Variants in CCDC91 observed in about 807,000 individuals in gnomAD.
CCDC91 encodes the protein coiled-coil domain-containing protein 91.
A neutral mutation model predicts 63.2 loss-of-function variants in CCDC91; 48 were observed. The ratio of observed to expected loss-of-function variants is 0.76; its 90% CI spans 0.60 to 0.97. CCDC91 has a LOEUF of 0.97. Ranked by LOEUF, CCDC91 falls within the 50% of genes least tolerant of loss-of-function variation. The pLI, the probability that CCDC91 is intolerant of heterozygous loss-of-function variation, is 0.00. For missense variants in CCDC91, 500 were observed against 494.6 expected (o/e 1.01, Z -0.10); for synonymous variants, 167 against 165.8 (o/e 1.01, Z -0.06).
At chr12:28,364,450 T>G (rs915499083) in intron 7 of CCDC91, among the ~76,000 whole-genome samples, 1 of 152,214 alleles carries the variant, frequency 6.6e-6, no homozygotes, top group African/African-American at 2.4e-5. Flanking sequence ...GGCCCTTTTA[T>G]AATGTTTTTA....
chr12:28,367,661 A>G (rs1944360494), intron 7 of CCDC91, among the ~76,000 whole-genome samples: 1 of 152,234 alleles, frequency 6.6e-6, no homozygotes, highest in African/African-American at 2.4e-5. Context: ...AATATGATAA[A>G]GACAAAAACA....
intron 12 of CCDC91, among the ~76,000 whole-genome samples, chr12:28,532,687 A>G (rs1941840177): frequency 6.6e-6 from 1 of 152,094 alleles, no homozygotes; most frequent in Non-Finnish European, 1.5e-5. Flanking sequence ...AGCATAGTAC[A>G]CAGGAAACTC....
chr12:28,210,238 C>T (rs1415997967), intron 1 of CCDC91, among the ~76,000 whole-genome samples: 1 of 152,180 alleles, frequency 6.6e-6, no homozygotes, highest in Non-Finnish European at 1.5e-5. Context: ...AGTATCTGAC[C>T]TGAATAATTT....
intron 6 of CCDC91, among the ~76,000 whole-genome samples, chr12:28,309,313 C>A (rs528882544): frequency 6.6e-6 from 1 of 152,010 alleles, no homozygotes; most frequent in Non-Finnish European, 1.5e-5. Flanking sequence ...AGTGAAGTTA[C>A]ATGTTAATTT....
chr12:28,535,973 C>G lies in CCDC91; in HGVS notation c.1216-13090C>G, dbSNP rs1048612038. Among the ~76,000 whole-genome samples the G allele has an allele frequency of 7.3e-5, 11 of 150,720 alleles. 1 individual carries two copies. Among genetic ancestry groups the G allele is most frequent in the South Asian group, 2.1e-4 (1 of 4,770 alleles). On this transcript the variant is annotated intron_variant, in intron 12 of 12. Transcript: ENST00000536442. Reference sequence around the variant, plus strand: ...GAACCCGGGAGGCGTAGCTTGCAGTCAGCCGAGATAGCACCACTGCATTCC... The same window carrying G: ...GAACCCGGGAGGCGTAGCTTGCAGTGAGCCGAGATAGCACCACTGCATTCC...
chr12:28,444,453 C>G (rs759927813), intron 8 of CCDC91, among the ~76,000 whole-genome samples: 2 of 152,100 alleles, frequency 1.3e-5, no homozygotes. Context: ...ATATAAGTCC[C>G]GCGGAGGTAC....
intron 6 of CCDC91, among the ~76,000 whole-genome samples, chr12:28,330,871 A>G (rs1053734335): frequency 6.6e-6 from 1 of 152,180 alleles, no homozygotes; most frequent in African/African-American, 2.4e-5. Context: ...ATTACTTCTC[A>G]TACTTCAAAG....
At chr12:28,200,957 C>T (rs948791058) in intron 1 of CCDC91, among the ~76,000 whole-genome samples, 6 of 144,352 alleles carry the variant, frequency 4.2e-5, no homozygotes, top group South Asian at 2.1e-4. Context: ...AGGGGGCTGA[C>T]CCCCCAACCT....
chr12:28,319,872 C>T (rs1940300100), intron 6 of CCDC91, among the ~76,000 whole-genome samples: 1 of 151,632 alleles, frequency 6.6e-6, no homozygotes, highest in Admixed American at 6.6e-5. Context: ...CTTCCTAATA[C>T]TTTTTTACCC....
intron 7 of CCDC91, 41 bp from the exon 8 acceptor site, chr12:28,391,263 G>C: frequency 8.0e-7 from 1 of 1,250,658 alleles, no homozygotes; most frequent in Non-Finnish European, 1.2e-6. Context: ...AGATTCCCAA[G>C]TTTTGTCTGT....
chr12:28,265,657 A>ATATC (rs1289610933), intron 3 of CCDC91, among the ~76,000 whole-genome samples: 1 of 152,032 alleles, frequency 6.6e-6, no homozygotes, highest in African/African-American at 2.4e-5. Flanking sequence ...TCTGTGTTAC[A>ATATC]TATCTATGAG....
chr12:28,400,252 A>G (rs774732184), intron 8 of CCDC91, among the ~76,000 whole-genome samples: 8 of 152,200 alleles, frequency 5.3e-5, no homozygotes, highest in Non-Finnish European at 1.2e-4. Context: ...CTTCTGAAGC[A>G]ATAGCATGAG....
intron 1 of CCDC91, among the ~76,000 whole-genome samples, chr12:28,218,741 G>A: frequency 6.6e-6 from 1 of 151,820 alleles, no homozygotes; most frequent in Non-Finnish European, 1.5e-5. Flanking sequence ...ATGTATGTAT[G>A]TGTGTGTGTA....
intron 3 of CCDC91, among the ~76,000 whole-genome samples, chr12:28,267,282 A>C (rs1221030132): frequency 6.6e-6 from 1 of 151,728 alleles, no homozygotes; most frequent in Non-Finnish European, 1.5e-5. Flanking sequence ...ATACATAGTA[A>C]TACTCCTTGC....
At chr12:28,477,046 A>G (rs1951137187) in intron 11 of CCDC91, among the ~76,000 whole-genome samples, 1 of 152,170 alleles carries the variant, frequency 6.6e-6, no homozygotes, top group African/African-American at 2.4e-5. Flanking sequence ...CCAGAGGTAC[A>G]AGGAGGAGCT....
At chr12:28,267,914 TA>T (rs1947432719) in intron 3 of CCDC91, among the ~76,000 whole-genome samples, 1 of 96,062 alleles carries the variant, frequency 1.0e-5, no homozygotes, top group Admixed American at 1.7e-4. Context: ...ATATTATATA[TA>T]ATTATTATAA....
intron 12 of CCDC91, among the ~76,000 whole-genome samples, chr12:28,511,125 A>AG (rs1939329863): frequency 6.6e-6 from 1 of 151,866 alleles, no homozygotes; most frequent in African/African-American, 2.4e-5. Context: ...AACTTTCACC[A>AG]GGTCAAATCT....
At chr12:28,431,043 T>G (rs1948599095) in intron 8 of CCDC91, among the ~76,000 whole-genome samples, 2 of 152,180 alleles carry the variant, frequency 1.3e-5, no homozygotes, top group Non-Finnish European at 2.9e-5. Flanking sequence ...AAGTATGACA[T>G]TTTTAATCTC....
intron 3 of CCDC91, among the ~76,000 whole-genome samples, chr12:28,270,176 GA>G (rs1378047922): frequency 6.6e-6 from 1 of 151,968 alleles, no homozygotes; most frequent in African/African-American, 2.4e-5. Context: ...GACCTCCTCA[GA>G]TAGATTGTTT....
Sources: gnomAD v4.1 joint callset for allele counts (sites outside exome capture counted in the v4.1 genomes callset) on GRCh38, gnomAD v4.1.1 for gene constraint, MANE v1.5 for transcripts, NCBI Gene and HGNC (gene_info 2026-07-23, HGNC 2026-07-21) for gene names.